ADGRA1: variants seen among roughly 807,000 people sequenced by gnomAD.
ADGRA1 encodes G-protein coupled receptor 123.
In ADGRA1, 12 loss-of-function variants were observed where a neutral mutation model predicts 21.3. That is an observed-to-expected ratio of 0.56 (90% CI 0.36 to 0.91). The LOEUF (loss-of-function observed/expected upper bound fraction) is 0.91, where lower values mean the gene tolerates loss of function less well. Among genes scored for constraint, ADGRA1 ranks in the 40% least tolerant of loss-of-function variants. The pLI, the probability that ADGRA1 is intolerant of heterozygous loss-of-function variation, is 0.01. For synonymous variants in ADGRA1, 385 were observed against 368.8 expected, an observed-to-expected ratio of 1.04 and a Z score of -0.50; for missense variants, 790 against 805.6, an observed-to-expected ratio of 0.98 and a Z score of 0.23.
At chr10:133,107,107 A>G (rs1460289375) in intron 5 of ADGRA1, among the ~76,000 whole-genome samples, 4 of 152,254 alleles carry the variant, frequency 2.6e-5, no homozygotes, top group African/African-American at 7.2e-5. Flanking sequence ...GTTATTATAA[A>G]TGGGGTTCTT....
chr10:133,114,030 A>T (rs1301355812), intron 5 of ADGRA1, among the ~76,000 whole-genome samples: 1 of 152,176 alleles, frequency 6.6e-6, no homozygotes, highest in Non-Finnish European at 1.5e-5. Context: ...CTGACTCTAG[A>T]CACCATGAGT....
At position 133,088,058 on chromosome 10, in the gene ADGRA1, G is replaced by A. The variant is rs1188427811; in HGVS notation, c.-283G>A. 1.0e-6 allele frequency: 1 copy of A among 985,120 alleles called. No homozygotes were observed. Among genetic ancestry groups the A allele is most frequent in the Non-Finnish European group, 1.2e-6 (1 of 829,860 alleles). The allele number at this position is 985,120 out of a possible 1,614,324, so 61.0% of individuals were successfully genotyped here. ...CCGCTGCCCTCGCGAATGGAGAGCGGGTCCCCGGCGGGGGGAGCGCAGCGC... is the reference window on the plus strand; with the variant it reads ...CCGCTGCCCTCGCGAATGGAGAGCGAGTCCCCGGCGGGGGGAGCGCAGCGC... On this transcript the variant is annotated 5_prime_UTR_variant, in exon 1 of 7. Coordinates refer to ENST00000392607, the MANE Select transcript of ADGRA1 (RefSeq NM_001083909.3).
chr10:133,111,146 T>C (rs1851985973), intron 5 of ADGRA1, among the ~76,000 whole-genome samples: 2 of 147,690 alleles, frequency 1.4e-5, no homozygotes, highest in Admixed American at 6.7e-5. Flanking sequence ...GTGCCTCCTC[T>C]CCTAATCCCA....
chr10:133,115,536 G>A (rs540598822), intron 5 of ADGRA1, among the ~76,000 whole-genome samples: 1 of 152,342 alleles, frequency 6.6e-6, no homozygotes, highest in Admixed American at 6.5e-5. Flanking sequence ...CCCAGGCCTG[G>A]CCCATGCTTG....
chr10:133,100,173 T>C (rs1041715658), intron 4 of ADGRA1, among the ~76,000 whole-genome samples: 1 of 152,216 alleles, frequency 6.6e-6, no homozygotes, highest in Non-Finnish European at 1.5e-5. Context: ...GCCCCCGGCC[T>C]GGGCCTGGGC....
chr10:133,102,763 A>G lies in ADGRA1; in HGVS notation c.322A>G (p.Ile108Val). The stretch of plus-strand genomic sequence containing the variant: ...GTGGATAGGAGTGACCGCCAGGAAC[A>G]TCTACAAGCAGGTGACCAAGAAGGC... ...MLWIGVTARN[I>V]YKQVTKKAPL... Residue 108 changes from isoleucine (I) to valine (V), a missense_variant, in exon 5 of 7, where the codon ATC becomes GTC. Coordinates refer to ENST00000392607, the MANE Select transcript of ADGRA1 (RefSeq NM_001083909.3). The G allele has an allele frequency of 6.2e-7, 1 of 1,612,864 alleles. No homozygotes were observed. The highest frequency in any genetic ancestry group is 8.5e-7 in the Non-Finnish European group (1 of 1,179,876).
intron 2 of ADGRA1, among the ~76,000 whole-genome samples, chr10:133,091,659 G>A (rs113574034): frequency 0.037 from 5,708 of 152,310 alleles, 292 homozygotes; most frequent in African/African-American, 0.12. Flanking sequence ...CATCAGAGGC[G>A]CTGTTTGCTG....
intron 5 of ADGRA1, among the ~76,000 whole-genome samples, chr10:133,112,554 G>A (rs1852064062): frequency 6.7e-6 from 1 of 149,422 alleles, no homozygotes; most frequent in African/African-American, 2.5e-5. Context: ...TTTGAGGTCT[G>A]TGGGCCGCAT....
chr10:133,105,519 C>A (rs973378605), intron 5 of ADGRA1, among the ~76,000 whole-genome samples: 1 of 152,226 alleles, frequency 6.6e-6, no homozygotes, highest in Admixed American at 6.5e-5. Flanking sequence ...CAACGGCCAC[C>A]TCTGCTCTGC....
intron 5 of ADGRA1, among the ~76,000 whole-genome samples, chr10:133,116,934 G>A (rs772611181): frequency 1.3e-4 from 20 of 152,144 alleles, no homozygotes; most frequent in South Asian, 4.1e-4. Context: ...GACAGAGGGC[G>A]GGGAGGGTAA....
intron 4 of ADGRA1, among the ~76,000 whole-genome samples, chr10:133,099,983 G>A (rs1851761245): frequency 6.6e-6 from 1 of 152,232 alleles, no homozygotes; most frequent in Non-Finnish European, 1.5e-5. Flanking sequence ...TCCCCCACAG[G>A]CTCCCACACC....
chr10:133,094,608 G>T (rs148608242), intron 2 of ADGRA1, among the ~76,000 whole-genome samples: 2 of 152,134 alleles, frequency 1.3e-5, no homozygotes, highest in Non-Finnish European at 2.9e-5. Context: ...TGTTCCAGGC[G>T]ACTCACTGAG....
At chr10:133,111,182 C>T (rs1415033064) in intron 5 of ADGRA1, among the ~76,000 whole-genome samples, 2 of 49,730 alleles carry the variant, frequency 4.0e-5, no homozygotes, top group African/African-American at 1.3e-4. Flanking sequence ...GCCGTGAGCA[C>T]CTCCCTCCTA....
At chr10:133,113,787 G>T (rs1852106730) in intron 5 of ADGRA1, among the ~76,000 whole-genome samples, 2 of 152,360 alleles carry the variant, frequency 1.3e-5, no homozygotes, top group African/African-American at 2.4e-5. Flanking sequence ...CTTTGTGCGG[G>T]GAAAACCCTG....
At chr10:133,114,638 G>A (rs1222743543) in intron 5 of ADGRA1, among the ~76,000 whole-genome samples, 1 of 148,280 alleles carries the variant, frequency 6.7e-6, no homozygotes, top group Non-Finnish European at 1.5e-5. Flanking sequence ...ACTTTCCGGA[G>A]ATACTTAGGC....
At chr10:133,122,438 C>CG (rs1167047373) in intron 5 of ADGRA1, among the ~76,000 whole-genome samples, 3 of 152,172 alleles carry the variant, frequency 2.0e-5, no homozygotes, top group Admixed American at 6.5e-5. Context: ...AGGCTGGGCA[C>CG]GGGGCCGAGG....
intron 2 of ADGRA1, 57 bp from the exon 3 acceptor site, chr10:133,096,917 C>G: frequency 1.3e-6 from 2 of 1,570,404 alleles, no homozygotes; most frequent in Non-Finnish European, 1.7e-6. Context: ...CAGGCGACGG[C>G]GCCGCCCACA....
intron 5 of ADGRA1, among the ~76,000 whole-genome samples, chr10:133,114,332 T>C (rs1298132339): frequency 6.6e-6 from 1 of 152,162 alleles, no homozygotes; most frequent in East Asian, 1.9e-4. Flanking sequence ...ACAGCACAAG[T>C]GATCCTGCAG....
rs554931104 is a variant in ADGRA1 at position 133,129,183 on chromosome 10, G to T, written c.1355G>T (p.Arg452Leu). The T allele has an allele frequency of 1.3e-6, 2 of 1,550,608 alleles. No individual in the cohort carries two copies. The highest frequency in any genetic ancestry group is 1.7e-6 in the Non-Finnish European group (2 of 1,147,126). ...CTGGATGGCAGCCCCCGCAGCTCGC[G>T]CACAGACAGCCCCCCCAGCTCTCTG... ...SSLDGSPRSS[R>L]TDSPPSSLDG... The change falls in exon 7 of 7, where the codon CGC becomes CTC. Residue 452 changes from arginine (R) to leucine (L), a missense_variant. Around this residue, in one of 3 missense-constraint regions of ADGRA1, gnomAD observed 391 missense variants for 351.5 expected, o/e 1.11. Coordinates refer to ENST00000392607, the MANE Select transcript of ADGRA1 (RefSeq NM_001083909.3).
Sources: gnomAD v4.1 joint callset for allele counts (sites outside exome capture counted in the v4.1 genomes callset) on GRCh38, gnomAD v4.1.1 for gene constraint, gnomAD v4.1.1 regional missense constraint, MANE v1.5 for transcripts, NCBI Gene and HGNC (gene_info 2026-07-23, HGNC 2026-07-21) for gene names.